The following DCC variants were observed in gnomAD, a reference collection of about 807,000 sequenced individuals.
The protein encoded by DCC is netrin receptor DCC.
DCC carries 58 observed loss-of-function variants against 172.5 expected under a neutral mutation model. The ratio of observed to expected loss-of-function variants is 0.34; its 90% CI spans 0.27 to 0.42. The LOEUF (loss-of-function observed/expected upper bound fraction) is 0.42. Ranked by LOEUF, DCC falls within the 10% of genes least tolerant of loss-of-function variation. The probability of loss-of-function intolerance (pLI) is 1.00; values close to 1 mark genes in which losing one functional copy is unlikely to be tolerated. For synonymous variants in DCC, 709 were observed against 644.5 expected (o/e 1.10, Z -1.52); for missense variants, 1,740 against 1,791.0 (o/e 0.97, Z 0.51).
intron 4 of DCC, among the ~76,000 whole-genome samples, chr18:52,924,099 G>A (rs183238970): frequency 4.0e-4 from 61 of 152,198 alleles, no homozygotes; most frequent in Non-Finnish European, 7.4e-4. Context: ...GGAAGTCAGG[G>A]CTGCCTTTGA....
intron 1 of DCC, among the ~76,000 whole-genome samples, chr18:52,550,441 T>G (rs1162927088): frequency 6.6e-6 from 1 of 152,158 alleles, no homozygotes; most frequent in East Asian, 1.9e-4. Flanking sequence ...TGTGTTCTAT[T>G]TGATGAACGG....
intron 1 of DCC, among the ~76,000 whole-genome samples, chr18:52,443,651 A>G (rs1988036972): frequency 6.6e-6 from 1 of 152,224 alleles, no homozygotes; most frequent in African/African-American, 2.4e-5. Flanking sequence ...GTAATGAGGC[A>G]TGGCTAGAGG....
At chr18:52,372,684 T>C (rs533471074) in intron 1 of DCC, among the ~76,000 whole-genome samples, 23 of 152,336 alleles carry the variant, frequency 1.5e-4, no homozygotes, top group Non-Finnish European at 2.9e-4. Flanking sequence ...AGCACAGATA[T>C]GAATGTGCTT....
chr18:52,389,046 G>A (rs1374704163), intron 1 of DCC, among the ~76,000 whole-genome samples: 1 of 152,070 alleles, frequency 6.6e-6, no homozygotes, highest in Non-Finnish European at 1.5e-5. Flanking sequence ...GTATGGGGAA[G>A]AATATGTGTA....
At chr18:52,835,303 A>G (rs747393519) in intron 2 of DCC, among the ~76,000 whole-genome samples, 6 of 152,224 alleles carry the variant, frequency 3.9e-5, no homozygotes, top group Non-Finnish European at 7.3e-5. Flanking sequence ...CAATTTTAAA[A>G]CACCACTCAA....
At chr18:53,129,145 C>A (rs185502175) in intron 7 of DCC, among the ~76,000 whole-genome samples, 1 of 151,846 alleles carries the variant, frequency 6.6e-6, no homozygotes, top group Non-Finnish European at 1.5e-5. Context: ...CCTCAGCCTC[C>A]CAAAGTGCTA....
intron 2 of DCC, among the ~76,000 whole-genome samples, chr18:52,788,987 G>T (rs901594376): frequency 6.6e-6 from 1 of 152,080 alleles, no homozygotes; most frequent in Admixed American, 6.5e-5. Context: ...GGGGAGTGGG[G>T]AAGTTTGTAT....
chr18:53,001,602 C>T (rs1022529495), intron 5 of DCC, among the ~76,000 whole-genome samples: 4 of 152,072 alleles, frequency 2.6e-5, no homozygotes, highest in Non-Finnish European at 5.9e-5. Context: ...CTACAAGAGA[C>T]TGTTTCCTGT....
Position 52,779,304 on chromosome 18 carries a change from A to G in DCC, c.412+26930A>G, listed in dbSNP as rs114131818. 6.6e-3 allele frequency among the ~76,000 whole-genome samples: 1,001 copies of G among 152,058 alleles called. 14 individuals are homozygous for G. The highest frequency in any genetic ancestry group is 0.023 in the African/African-American group (933 of 41,456). ...TTTCTCCTAATCCTATCCCTCCCCA[A>G]GTGGCGCATACCCCAACAGGCCCCA... On this transcript the variant is annotated intron_variant, in intron 2 of 28. Coordinates refer to ENST00000442544, the MANE Select transcript of DCC (RefSeq NM_005215.4).
chr18:52,627,107 T>C (rs1353271515), intron 1 of DCC, among the ~76,000 whole-genome samples: 1 of 152,206 alleles, frequency 6.6e-6, no homozygotes, highest in African/African-American at 2.4e-5. Flanking sequence ...AGTAAGTTCC[T>C]ATTTTACATC....
chr18:52,491,133 A>G (rs1598859484), intron 1 of DCC, among the ~76,000 whole-genome samples: 1 of 151,976 alleles, frequency 6.6e-6, no homozygotes, highest in Admixed American at 6.6e-5. Flanking sequence ...TTCTTATTTT[A>G]CTAAGTTTTT....
intron 2 of DCC, among the ~76,000 whole-genome samples, chr18:52,767,616 A>G (rs1599089610): frequency 6.6e-6 from 1 of 152,196 alleles, no homozygotes; most frequent in East Asian, 1.9e-4. Context: ...GCAAGCAGTT[A>G]CTTTATTTTG....
At chr18:52,761,520 A>C (rs2037159363) in intron 2 of DCC, among the ~76,000 whole-genome samples, 1 of 152,318 alleles carries the variant, frequency 6.6e-6, no homozygotes, top group East Asian at 1.9e-4. Context: ...TCATGAAGTT[A>C]ACATAAAACA....
intron 5 of DCC, among the ~76,000 whole-genome samples, chr18:53,002,037 G>T (rs926553752): frequency 6.6e-6 from 1 of 152,068 alleles, no homozygotes; most frequent in African/African-American, 2.4e-5. Flanking sequence ...TTTCCAAACT[G>T]CAATTACTTT....
chr18:53,522,554 C>T (rs1314815707), intron 27 of DCC, among the ~76,000 whole-genome samples: 1 of 152,136 alleles, frequency 6.6e-6, no homozygotes, highest in Non-Finnish European at 1.5e-5. Flanking sequence ...CAGCATGGTA[C>T]TGGTACCAAA....
At chr18:52,658,840 A>G (rs1466373) in intron 1 of DCC, among the ~76,000 whole-genome samples, 67,037 of 151,950 alleles carry the variant, frequency 0.44, 15,505 homozygotes, top group East Asian at 0.61. Context: ...TGATATTTAA[A>G]TTTTCATGTG....
rs71175582 is a variant in DCC, at chr18:53,344,440, C to CTTTTTTT, written c.2359+4547_2359+4553dup. Among the ~76,000 whole-genome samples the CTTTTTTT allele has an allele frequency of 4.9e-3, 477 of 97,028 alleles. 1 individual carries two copies. Among genetic ancestry groups the CTTTTTTT allele is most frequent in the Middle Eastern group, 7.6e-3 (1 of 132 alleles). The allele number at this position is 97,028 out of a possible 152,430, so 63.7% of individuals were successfully genotyped here. A position where few individuals can be genotyped will look rare whatever the true frequency, so the allele number is the denominator to read the frequency against. Reference sequence around the variant, plus strand: ...TTTTCTTTTCTTTCTTTTCGTTTTTCTTTTTTTTTTTTTTTTTTTTGAGCC... The same window carrying CTTTTTTT: ...TTTTCTTTTCTTTCTTTTCGTTTTTCTTTTTTTTTTTTTTTTTTTTTTTTTTTGAGCC... On this transcript the variant is annotated intron_variant, in intron 15 of 28. Coordinates refer to ENST00000442544, the MANE Select transcript of DCC (RefSeq NM_005215.4).
intron 1 of DCC, among the ~76,000 whole-genome samples, chr18:52,648,064 G>C (rs1286860437): frequency 6.6e-6 from 1 of 152,232 alleles, no homozygotes; most frequent in Non-Finnish European, 1.5e-5. Flanking sequence ...AAAGGGAAGA[G>C]AAAAGCATTC....
intron 15 of DCC, among the ~76,000 whole-genome samples, chr18:53,376,847 A>T (rs1907326061): frequency 6.6e-6 from 1 of 151,938 alleles, no homozygotes; most frequent in East Asian, 1.9e-4. Flanking sequence ...TTTAAGAGTC[A>T]CTCTTGATTT....
Sources: gnomAD v4.1 joint callset for allele counts (sites outside exome capture counted in the v4.1 genomes callset) on GRCh38, gnomAD v4.1.1 for gene constraint, MANE v1.5 for transcripts, NCBI Gene and HGNC (gene_info 2026-07-23, HGNC 2026-07-21) for gene names.